Variants in PTCSC3 observed in about 807,000 individuals in gnomAD.
PTCSC3 encodes papillary thyroid carcinoma susceptibility candidate 3, also known as papillary thyroid carcinoma susceptibility candidate 3 (non-protein coding).
intron 1 of PTCSC3, among the ~76,000 whole-genome samples, chr14:36,167,873 C>A (rs1566511277): frequency 6.6e-6 from 1 of 152,154 alleles, no homozygotes; most frequent in Non-Finnish European, 1.5e-5. Context: ...GCTTAACGTT[C>A]TGTAGAGCTA....
intron 1 of PTCSC3, among the ~76,000 whole-genome samples, chr14:36,174,087 G>A (rs1882238814): frequency 6.6e-6 from 1 of 151,862 alleles, no homozygotes; most frequent in African/African-American, 2.4e-5. Flanking sequence ...TATGTGTCCC[G>A]TGTGGGTTCG....
At chr14:36,155,758 G>T (rs747975050) in intron 2 of PTCSC3, among the ~76,000 whole-genome samples, 3 of 152,006 alleles carry the variant, frequency 2.0e-5, no homozygotes, top group Non-Finnish European at 4.4e-5. Context: ...ATCTTTTAGT[G>T]GTTGGTTGTT....
intron 1 of PTCSC3, among the ~76,000 whole-genome samples, chr14:36,174,516 AAC>A (rs1882247838): frequency 6.6e-6 from 1 of 152,204 alleles, no homozygotes; most frequent in African/African-American, 2.4e-5. Flanking sequence ...TTAAATAGTG[AAC>A]ACTGTGGACA....
At chr14:36,164,321 A>G (rs1214319643) in intron 1 of PTCSC3, 1 of 152,192 alleles carries the variant, frequency 6.6e-6, no homozygotes, top group Non-Finnish European at 1.5e-5. Context: ...GTTTTTACTT[A>G]GGAGAATATA....
intron 2 of PTCSC3, among the ~76,000 whole-genome samples, chr14:36,158,729 C>G (rs1167292225): frequency 1.3e-5 from 2 of 152,130 alleles, no homozygotes; most frequent in Admixed American, 6.5e-5. Flanking sequence ...TTGGTTGTGT[C>G]TCTGCCAGGT....
At chr14:36,144,090 T>C (rs1244969827) in intron 3 of PTCSC3, among the ~76,000 whole-genome samples, 5 of 152,232 alleles carry the variant, frequency 3.3e-5, no homozygotes, top group East Asian at 1.9e-4. Flanking sequence ...AGTCAGGTAG[T>C]GTGATGCCTC....
intron 3 of PTCSC3, among the ~76,000 whole-genome samples, chr14:36,139,127 A>T (rs959622225): frequency 6.0e-5 from 9 of 150,914 alleles, no homozygotes; most frequent in South Asian, 2.1e-4. Context: ...AATAAAAAAA[A>T]AAAAAAAAAA....
chr14:36,146,456 T>G (rs1298509610), intron 3 of PTCSC3, among the ~76,000 whole-genome samples: 6 of 151,506 alleles, frequency 4.0e-5, no homozygotes, highest in African/African-American at 1.5e-4. Flanking sequence ...TGGTTTAAAG[T>G]CTGTTTTATC....
intron 3 of PTCSC3, among the ~76,000 whole-genome samples, chr14:36,141,961 A>G (rs1477417777): frequency 6.6e-6 from 1 of 152,194 alleles, no homozygotes; most frequent in Non-Finnish European, 1.5e-5. Flanking sequence ...CAATCATGTC[A>G]TATGTGAACA....
At chr14:36,172,622 T>A (rs1338578561) in intron 1 of PTCSC3, among the ~76,000 whole-genome samples, 2 of 152,164 alleles carry the variant, frequency 1.3e-5, no homozygotes, top group East Asian at 3.8e-4. Flanking sequence ...CTTTAAGTAC[T>A]ACATTTTAAA....
intron 3 of PTCSC3, among the ~76,000 whole-genome samples, chr14:36,146,424 G>C (rs374457873): frequency 0.011 from 1,543 of 142,412 alleles, 19 homozygotes; most frequent in Admixed American, 0.051. Flanking sequence ...TAATGGCCTT[G>C]TTTGTCTCTT....
Position 36,160,303 on chromosome 14 carries a change from T to A in PTCSC3, n.231+2321A>T, listed in dbSNP as rs1450075231. Among the ~76,000 whole-genome samples, 3 of 152,246 alleles carry A rather than the reference T, an allele frequency of 2.0e-5. No individual in the cohort carries two copies. The East Asian group carries it at 5.8e-4, about 29-fold the overall frequency. The stretch of plus-strand genomic sequence containing the variant: ...GCTGGTTATTTTGCCCATTAATTGA[T>A]GCAGTTTCTTCATAGTGTCGATGGT... On this transcript the variant is annotated intron_variant and non_coding_transcript_variant, in intron 2 of 3. Transcript: ENST00000556013.
chr14:36,172,670 T>C (rs1882211260), intron 1 of PTCSC3, among the ~76,000 whole-genome samples: 1 of 152,128 alleles, frequency 6.6e-6, no homozygotes, highest in Non-Finnish European at 1.5e-5. Flanking sequence ...GCATTTTGAT[T>C]TCCTGATTTA....
intron 2 of PTCSC3, among the ~76,000 whole-genome samples, chr14:36,156,765 A>G (rs1348191158): frequency 6.6e-6 from 1 of 152,168 alleles, no homozygotes; most frequent in African/African-American, 2.4e-5. Context: ...ATGGCTGCAT[A>G]GTATTCCATG....
chr14:36,165,690 T>C (rs950419174), intron 1 of PTCSC3, among the ~76,000 whole-genome samples: 2 of 151,688 alleles, frequency 1.3e-5, no homozygotes, highest in Admixed American at 6.6e-5. Flanking sequence ...ATGAAACAGA[T>C]AGATGGGTAT....
At chr14:36,161,177 C>T (rs1439386209) in intron 2 of PTCSC3, among the ~76,000 whole-genome samples, 1 of 152,136 alleles carries the variant, frequency 6.6e-6, no homozygotes, top group Non-Finnish European at 1.5e-5. Context: ...GGTCCTTTAG[C>T]TTCGAGGAGT....
intron 3 of PTCSC3, among the ~76,000 whole-genome samples, chr14:36,149,951 T>C (rs1183853043): frequency 6.6e-6 from 1 of 152,222 alleles, no homozygotes; most frequent in Non-Finnish European, 1.5e-5. Flanking sequence ...AGGTTGAACA[T>C]CCCTAATCTG....
At chr14:36,168,416 T>G (rs889070008) in intron 1 of PTCSC3, among the ~76,000 whole-genome samples, 5 of 147,502 alleles carry the variant, frequency 3.4e-5, no homozygotes, top group Non-Finnish European at 7.4e-5. Context: ...TTTGTGTGGC[T>G]GCAGAAATAC....
intron 3 of PTCSC3, among the ~76,000 whole-genome samples, chr14:36,139,119 T>TAAA (rs370864635): frequency 1.8e-4 from 19 of 106,582 alleles, no homozygotes; most frequent in Non-Finnish European, 3.0e-4. Flanking sequence ...ATCTCAAAAA[T>TAAA]AAAAAAAAAA....
Sources: allele counts gnomAD v4.1 joint callset (sites outside exome capture counted in the v4.1 genomes callset), GRCh38; gene constraint gnomAD v4.1.1; transcripts MANE v1.5; gene names NCBI Gene and HGNC (gene_info 2026-07-23, HGNC 2026-07-21).